CLUH: variants seen among roughly 807,000 people sequenced by gnomAD.
CLUH encodes clustered mitochondria protein homolog.
A neutral mutation model predicts 139.3 loss-of-function variants in CLUH; 77 were observed. The observed-to-expected ratio is 0.55, with a 90% confidence interval of 0.46 to 0.67. CLUH has a LOEUF of 0.67. CLUH is among the 30% of genes least tolerant of loss of function. The pLI, the probability that CLUH is intolerant of heterozygous loss-of-function variation, is 0.00. For synonymous variants in CLUH, 999 were observed against 801.6 expected (o/e 1.25, Z -4.16); for missense variants, 1,876 against 1,875.8 (o/e 1.00, Z 0.00).
chr17:2,693,278 C>A (rs985517332), intron 19 of CLUH, among the ~76,000 whole-genome samples: 2 of 152,002 alleles, frequency 1.3e-5, no homozygotes, highest in African/African-American at 2.4e-5. Flanking sequence ...CGCCTGTAAT[C>A]CCAGCTACTC....
intron 1 of CLUH, among the ~76,000 whole-genome samples, chr17:2,708,708 C>G (rs2070421034): frequency 6.6e-6 from 1 of 152,034 alleles, no homozygotes; most frequent in Admixed American, 6.6e-5. Context: ...CCCACCCGCT[C>G]CCACCGACCT....
chr17:2,702,277 T>C (rs1042942837), intron 3 of CLUH, among the ~76,000 whole-genome samples: 2 of 152,212 alleles, frequency 1.3e-5, no homozygotes, highest in Non-Finnish European at 2.9e-5. Flanking sequence ...AGCAGGGATC[T>C]TTGTTTATAA....
chr17:2,703,569 C>G lies in CLUH; in HGVS notation c.304-80G>C. On this transcript the variant is annotated intron_variant, in intron 2 of 25. Coordinates refer to ENST00000651024, the MANE Select transcript of CLUH (RefSeq NM_001366661.1). The surrounding 1 kb of genome is among the most constrained non-coding windows in gnomAD (Gnocchi z 4.2). ...AGGCCCCAACCGCCCCGGTGAGAGG[C>G]CACGTAGCGGACAGCAAGGACAATA... The G allele has an allele frequency of 7.0e-7, 1 of 1,432,410 alleles. No homozygotes were observed. Among genetic ancestry groups the G allele is most frequent in the Non-Finnish European group, 9.6e-7 (1 of 1,038,960 alleles). 88.7% of individuals were successfully genotyped at this position (1,432,410 alleles called of 1,614,324 possible). A position where few individuals can be genotyped will look rare whatever the true frequency, so the allele number is the denominator to read the frequency against.
chr17:2,695,109 G>A lies in CLUH; in HGVS notation c.2608-8C>T, dbSNP rs778240461. The A allele has an allele frequency of 1.9e-6, 3 of 1,612,386 alleles. No homozygotes were observed. In the South Asian group the frequency reaches 3.3e-5, roughly 18 times the overall value. On this transcript the variant is annotated splice_polypyrimidine_tract_variant and splice_region_variant and intron_variant, in intron 15 of 25. Transcript: ENST00000651024. Reference sequence around the variant, plus strand: ...GCCGGAGAGCTCGACTCCCTGCGAGGCAGGTTGGATCCGAGTCATGAGGGC... The same window carrying A: ...GCCGGAGAGCTCGACTCCCTGCGAGACAGGTTGGATCCGAGTCATGAGGGC...
intron 23 of CLUH, 31 bp from the exon 24 acceptor site, chr17:2,691,926 C>T: frequency 1.7e-6 from 2 of 1,156,474 alleles, no homozygotes; most frequent in East Asian, 4.1e-5. Flanking sequence ...ATCAGGCCCC[C>T]CCGTGCCCCC....
Position 2,702,002 on chromosome 17 carries a change from G to A in CLUH, c.531C>T (p.Leu177=), listed in dbSNP as rs1195639653. Residue 177 remains leucine (L), a synonymous_variant, in exon 4 of 26, where the codon CTC becomes CTT. Coordinates refer to ENST00000651024, the MANE Select transcript of CLUH (RefSeq NM_001366661.1). ...RIHVRHVRDL[L]KSLDPSDAFN... ...AGGCATCGGATGGGTCCAGGCTCTT[G>A]AGCAGGTCTCGGACATGGCGCACGT... 5 of 1,613,984 alleles carry A rather than the reference G, an allele frequency of 3.1e-6. No individual in the cohort carries two copies. The highest frequency in any genetic ancestry group is 2.5e-6 in the Non-Finnish European group (3 of 1,179,904).
intron 1 of CLUH, among the ~76,000 whole-genome samples, chr17:2,709,097 C>T (rs2070438118): frequency 6.6e-6 from 1 of 152,104 alleles, no homozygotes; most frequent in Admixed American, 6.5e-5. Context: ...CCTGGAGGCG[C>T]CGGGAGCTCA....
At chr17:2,697,460 T>C (rs1251448891) in intron 10 of CLUH, among the ~76,000 whole-genome samples, 1 of 150,764 alleles carries the variant, frequency 6.6e-6, no homozygotes, top group East Asian at 2.0e-4. Context: ...GAGCTCCCCA[T>C]CCAGGTCAGG....
intron 6 of CLUH, 23 bp downstream of exon 6, chr17:2,701,343 G>A (rs1231466280): frequency 2.5e-6 from 4 of 1,605,164 alleles, no homozygotes; most frequent in Middle Eastern, 1.7e-4. Flanking sequence ...GCAGGGGGGT[G>A]TGGTGGGCTG....
chr17:2,705,471 G>A (rs891117625), intron 1 of CLUH, among the ~76,000 whole-genome samples: 5 of 152,068 alleles, frequency 3.3e-5, no homozygotes, highest in East Asian at 1.9e-4. Context: ...GCCTGGTACC[G>A]CCCACAGCCC....
rs553783116 is a variant in CLUH, at chr17:2,698,602, C to T, written c.1267-12G>A. 27 of 1,577,298 alleles carry T rather than the reference C, an allele frequency of 1.7e-5. No individual in the cohort carries two copies. The African/African-American group carries it at 2.3e-4, about 13-fold the overall frequency. Reference sequence around the variant, plus strand: ...AAGTCGCTGTGCACCTGGCGGGGGTCGAGGAGGGCAGGGTTAGAGGCCGCG... The same window carrying T: ...AAGTCGCTGTGCACCTGGCGGGGGTTGAGGAGGGCAGGGTTAGAGGCCGCG... On this transcript the variant is annotated splice_polypyrimidine_tract_variant and intron_variant, in intron 9 of 25. Coordinates refer to ENST00000651024, the MANE Select transcript of CLUH (RefSeq NM_001366661.1).
intron 19 of CLUH, 137 bp from the exon 20 acceptor site, chr17:2,692,997 AG>A: frequency 5.5e-6 from 4 of 721,092 alleles, no homozygotes; most frequent in Non-Finnish European, 8.4e-6. Context: ...ACAGTGCAGC[AG>A]GGGGGAGGGG....
In CLUH at chr17:2,707,301, C is replaced by A; in HGVS notation, c.101-2737G>T. 1 of 985,454 alleles carries A rather than the reference C, an allele frequency of 1.0e-6. No individual in the cohort carries two copies. 61.0% of individuals were successfully genotyped at this position (985,454 alleles called of 1,614,324 possible). ...CCTTGTTCCAGCCTCTGCCGCTACC[C>A]TTGCCCTAATGCAGCCAGTCGGCCC... is the stretch of plus-strand genomic sequence containing the variant. On this transcript the variant is annotated intron_variant, in intron 1 of 25. Transcript: ENST00000651024. The surrounding 1 kb of genome is among the most constrained non-coding windows in gnomAD (Gnocchi z 7.4).
intron 1 of CLUH, among the ~76,000 whole-genome samples, chr17:2,708,286 A>C (rs533962498): frequency 1.3e-5 from 2 of 152,288 alleles, no homozygotes; most frequent in South Asian, 4.1e-4. Flanking sequence ...CAATGACCAG[A>C]GGAGAAGGAC....
Position 2,689,528 on chromosome 17 carries a change from G to A in CLUH, c.*1066C>T, listed in dbSNP as rs3169628. 0.097 allele frequency: 14,747 copies of A among 152,764 alleles called. 2,436 individuals are homozygous for A. The highest frequency in any genetic ancestry group is 0.34 in the African/African-American group (13,931 of 41,506). 9.5% of individuals were successfully genotyped at this position (152,764 alleles called of 1,614,324 possible). ...CCCCCTTGAAACAAGGTGTCTGGAC[G>A]GACCACACCCATAAGCGGCTCTCCG... On this transcript the variant is annotated 3_prime_UTR_variant, in exon 26 of 26. Coordinates refer to ENST00000651024, the MANE Select transcript of CLUH (RefSeq NM_001366661.1).
intron 19 of CLUH, 198 bp from the exon 20 acceptor site, chr17:2,693,058 G>C (rs1222211478): frequency 8.2e-6 from 3 of 367,268 alleles, no homozygotes; most frequent in Admixed American, 4.8e-5. Context: ...ACGCTCCACA[G>C]AGAGCTCCAC....
chr17:2,704,657 A>C lies in CLUH; in HGVS notation c.101-93T>G. ...CACACGGGGACACGTGCCTTCTGGA[A>C]AGGCATCTGCATGCCCTCGAGAGTC... On this transcript the variant is annotated intron_variant, in intron 1 of 25. Coordinates refer to ENST00000651024, the MANE Select transcript of CLUH (RefSeq NM_001366661.1). The surrounding 1 kb of genome is among the most constrained non-coding windows in gnomAD (Gnocchi z 5.7). 1.6e-6 allele frequency: 2 copies of C among 1,243,436 alleles called. No individual in the cohort carries two copies. Among genetic ancestry groups the C allele is most frequent in the South Asian group, 3.0e-5 (2 of 67,748 alleles). 77.0% of individuals were successfully genotyped at this position (1,243,436 alleles called of 1,614,324 possible).
intron 23 of CLUH, 42 bp downstream of exon 23, chr17:2,691,962 C>CCCCGCCCCGCCCCCGCCCCCGCCCCG (rs1567575856): frequency 1.5e-6 from 1 of 670,740 alleles, no homozygotes; most frequent in African/African-American, 6.1e-5. Context: ...CCCCGCCACG[C>CCCCGCCCCGCCCCCGCCCCCGCCCCG]CCCCGCCCCG....
chr17:2,708,022 C>A, intron 1 of CLUH: 1 of 984,398 alleles, frequency 1.0e-6, no homozygotes, highest in Non-Finnish European at 1.2e-6. Context: ...GGAACCAAGT[C>A]TCTCCCAGGG....
Sources: gnomAD v4.1 joint callset for allele counts (sites outside exome capture counted in the v4.1 genomes callset) on GRCh38, gnomAD v4.1.1 for gene constraint, Gnocchi (gnomAD v3.1) non-coding constraint, MANE v1.5 for transcripts, NCBI Gene and HGNC (gene_info 2026-07-23, HGNC 2026-07-21) for gene names.